The following MAST2 variants were observed in gnomAD, a reference collection of about 807,000 sequenced individuals.
The protein encoded by MAST2 is microtubule-associated serine/threonine-protein kinase 2.
Under a neutral mutation model 147.4 loss-of-function variants are expected in MAST2, and 70 were observed. The ratio of observed to expected loss-of-function variants is 0.47; its 90% confidence interval spans 0.39 to 0.58. The LOEUF (loss-of-function observed/expected upper bound fraction) is 0.58, where lower values mean the gene tolerates loss of function less well. Ranked by LOEUF, MAST2 falls within the 20% of genes least tolerant of loss-of-function variation. MAST2 has a pLI of 0.00. For missense variants in MAST2, 2,080 were observed against 2,302.3 expected (o/e 0.90, Z 1.98); for synonymous variants, 869 against 896.8 (o/e 0.97, Z 0.55).
intron 4 of MAST2, among the ~76,000 whole-genome samples, chr1:45,897,386 CAT>C (rs1171790199): frequency 1.3e-5 from 2 of 152,232 alleles, no homozygotes; most frequent in Non-Finnish European, 2.9e-5. Flanking sequence ...GGTTTAAAAA[CAT>C]AGTTACAGTT....
intron 3 of MAST2, among the ~76,000 whole-genome samples, chr1:45,870,607 ACT>A (rs1646344809): frequency 1.3e-5 from 2 of 149,542 alleles, no homozygotes; most frequent in South Asian, 4.3e-4. Context: ...GGGTATTAAG[ACT>A]CTTTTTTTTC....
chr1:45,989,397 A>G (rs1211615178), intron 5 of MAST2, among the ~76,000 whole-genome samples: 2 of 152,132 alleles, frequency 1.3e-5, no homozygotes, highest in Non-Finnish European at 2.9e-5. Context: ...AGTTCCTTTG[A>G]TCTTTAGTCT....
intron 4 of MAST2, among the ~76,000 whole-genome samples, chr1:45,907,875 T>A (rs1270087470): frequency 6.6e-6 from 1 of 152,204 alleles, no homozygotes; most frequent in Non-Finnish European, 1.5e-5. Context: ...TATATTAAAG[T>A]CAGTTTTGGT....
Position 45,999,027 on chromosome 1 carries a change from C to T in MAST2, c.668+1228C>T, listed in dbSNP as rs962546797. Reference sequence around the variant, plus strand: ...GATTACAGGCATGAGCCACCGTGCCCGGCCTACTTAGACTACTTTTTAAAA... The same window carrying T: ...GATTACAGGCATGAGCCACCGTGCCTGGCCTACTTAGACTACTTTTTAAAA... On this transcript the variant is annotated intron_variant, in intron 6 of 28. Transcript: ENST00000361297. Among the ~76,000 whole-genome samples the T allele has an allele frequency of 2.0e-5, 3 of 152,100 alleles. No individual in the cohort carries two copies. In the East Asian group the frequency reaches 5.8e-4, roughly 29 times the overall value.
Position 45,815,671 on chromosome 1 carries a change from TG to T in MAST2, c.178-8760del, listed in dbSNP as rs1015200674. On this transcript the variant is annotated intron_variant, in intron 1 of 28. Coordinates refer to ENST00000361297, the MANE Select transcript of MAST2 (RefSeq NM_015112.3). Reference sequence around the variant, plus strand: ...GATACTTTGTGACTAGCTCAGTCTTTGGTCTTTTATATTAAAGAACATTACT... The same window carrying T: ...GATACTTTGTGACTAGCTCAGTCTTTGTCTTTTATATTAAAGAACATTACT... 6.2e-4 allele frequency among the ~76,000 whole-genome samples: 94 copies of T among 152,378 alleles called. 1 individual carries two copies. The highest frequency in any genetic ancestry group is 2.2e-3 in the African/African-American group (90 of 41,584).
chr1:45,966,032 T>C (rs887306335), intron 5 of MAST2, among the ~76,000 whole-genome samples: 1 of 152,218 alleles, frequency 6.6e-6, no homozygotes, highest in Non-Finnish European at 1.5e-5. Flanking sequence ...TTTATTTCTT[T>C]CTCCCCTTAA....
At position 45,855,095 on chromosome 1, in the gene MAST2, A is replaced by G. The variant is rs138336999; in HGVS notation, c.468+25514A>G. On this transcript the variant is annotated intron_variant, in intron 3 of 28. Transcript: ENST00000361297. ...ATCACATAGGCATGATCCCCTTCCCAGAGGATTGGAGGGTGAGGTGGAAAG... is the reference window on the plus strand; with the variant it reads ...ATCACATAGGCATGATCCCCTTCCCGGAGGATTGGAGGGTGAGGTGGAAAG... 3.3e-3 allele frequency among the ~76,000 whole-genome samples: 509 copies of G among 152,230 alleles called. 1 individual carries two copies. The highest frequency in any genetic ancestry group is 5.5e-3 in the Non-Finnish European group (371 of 68,030).
At chr1:45,970,029 C>T (rs1643854647) in intron 5 of MAST2, among the ~76,000 whole-genome samples, 1 of 152,106 alleles carries the variant, frequency 6.6e-6, no homozygotes, top group Non-Finnish European at 1.5e-5. Flanking sequence ...ATTTCTTCCC[C>T]CAAGTAGAGC....
chr1:45,932,067 G>T (rs1458758313), intron 4 of MAST2, among the ~76,000 whole-genome samples: 1 of 152,196 alleles, frequency 6.6e-6, no homozygotes, highest in Admixed American at 6.5e-5. Context: ...AGTTAACCTT[G>T]ATCACTTTAT....
intron 5 of MAST2, among the ~76,000 whole-genome samples, chr1:45,978,751 C>T (rs1245891745): frequency 6.6e-6 from 1 of 152,124 alleles, no homozygotes; most frequent in Admixed American, 6.5e-5. Flanking sequence ...ATTATATAAT[C>T]TCATTTCTAT....
chr1:45,841,567 TG>T (rs1373971874), intron 3 of MAST2, among the ~76,000 whole-genome samples: 2 of 152,136 alleles, frequency 1.3e-5, no homozygotes, highest in South Asian at 4.1e-4. Flanking sequence ...TTGACTTTTT[TG>T]TAGAGACAGG....
intron 3 of MAST2, among the ~76,000 whole-genome samples, chr1:45,868,051 A>G (rs1353080237): frequency 6.6e-6 from 1 of 152,204 alleles, no homozygotes; most frequent in African/African-American, 2.4e-5. Flanking sequence ...TAATGGTAAA[A>G]GGACATCTGG....
intron 3 of MAST2, 144 bp from the exon 4 acceptor site, chr1:45,882,220 A>G: frequency 1.8e-6 from 1 of 550,884 alleles, no homozygotes; most frequent in Non-Finnish European, 3.2e-6. Context: ...ATAAAATTTA[A>G]GAGGCAAAGA....
At chr1:45,864,412 A>G (rs1197469669) in intron 3 of MAST2, among the ~76,000 whole-genome samples, 1 of 152,214 alleles carries the variant, frequency 6.6e-6, no homozygotes, top group Admixed American at 6.5e-5. Flanking sequence ...GGCTTTCGTT[A>G]CTGTCCAAGA....
chr1:45,867,381 C>T (rs1338477725), intron 3 of MAST2, among the ~76,000 whole-genome samples: 1 of 152,142 alleles, frequency 6.6e-6, no homozygotes, highest in East Asian at 1.9e-4. Flanking sequence ...TAAGACACAG[C>T]CTACTTTGAT....
intron 4 of MAST2, among the ~76,000 whole-genome samples, chr1:45,930,322 A>T (rs572418362): frequency 9.5e-4 from 143 of 151,022 alleles, no homozygotes; most frequent in Middle Eastern, 3.4e-3. Context: ...CTCATGATCT[A>T]CCCGCCTTGG....
Position 46,034,576 on chromosome 1 carries a change from A to T in MAST2, c.3907A>T (p.Ser1303Cys). Residue 1303 changes from serine (S) to cysteine (C), a missense_variant, in exon 29 of 29, where the codon AGC (serine) becomes TGC (cysteine). Ser to Cys is a moderately radical substitution (Grantham distance 112, BLOSUM62 -1). Coordinates refer to ENST00000361297, the MANE Select transcript of MAST2 (RefSeq NM_015112.3). ...NSSQSSSPSS[S>C]VPSSPAGSGH... ...ATCACAGAGCAGCTCCCCCAGCTCC[A>T]GCGTGCCCAGTTCCCCAGCCGGCTC... is the stretch of plus-strand genomic sequence containing the variant. The T allele has an allele frequency of 6.2e-7, 1 of 1,613,964 alleles. No individual in the cohort carries two copies. Among genetic ancestry groups the T allele is most frequent in the Non-Finnish European group, 8.5e-7 (1 of 1,179,964 alleles).
At chr1:45,936,390 A>G (rs886371851) in intron 4 of MAST2, among the ~76,000 whole-genome samples, 2 of 152,190 alleles carry the variant, frequency 1.3e-5, no homozygotes, top group African/African-American at 2.4e-5. Flanking sequence ...TGCTCTGGCT[A>G]GGACTTCCTA....
Position 45,824,724 on chromosome 1 carries a change from CCTTA to C in MAST2, c.325+148_325+151del, listed in dbSNP as rs538081588. Reference sequence around the variant, plus strand: ...ATTTATGGTAAGGCTGTCTTCCTCTCCTTACTTCTTCCTCATGGAATCTCTGATT... The same window carrying C: ...ATTTATGGTAAGGCTGTCTTCCTCTCCTTCTTCCTCATGGAATCTCTGATT... On this transcript the variant is annotated intron_variant, in intron 2 of 28. Transcript: ENST00000361297. 4,269 of 800,478 alleles carry C rather than the reference CCTTA, an allele frequency of 5.3e-3. 17 individuals are homozygous for C. The highest frequency in any genetic ancestry group is 0.018 in the Middle Eastern group (65 of 3,610). 49.6% of individuals were successfully genotyped at this position (800,478 alleles called of 1,614,324 possible).
Sources: gnomAD v4.1 joint callset for allele counts (sites outside exome capture counted in the v4.1 genomes callset) on GRCh38, gnomAD v4.1.1 for gene constraint, MANE v1.5 for transcripts, NCBI Gene and HGNC (gene_info 2026-07-23, HGNC 2026-07-21) for gene names.